Variants in ATP6V1H observed in about 807,000 individuals in gnomAD.
The protein encoded by ATP6V1H is V-type proton ATPase subunit H.
ATP6V1H carries 39 observed loss-of-function variants against 71.7 expected under a neutral mutation model. The observed-to-expected ratio is 0.54, with a 90% CI of 0.42 to 0.71. The LOEUF is 0.71. Among genes scored for constraint, ATP6V1H ranks in the 30% least tolerant of loss-of-function variants. ATP6V1H has a pLI of 0.00. For synonymous variants in ATP6V1H, 192 were observed against 199.3 expected, an observed-to-expected ratio of 0.96 and a Z score of 0.31; for missense variants, 509 against 594.9, an observed-to-expected ratio of 0.86 and a Z score of 1.50.
At chr8:53,766,934 T>G (rs1478853817) in intron 11 of ATP6V1H, among the ~76,000 whole-genome samples, 2 of 152,238 alleles carry the variant, frequency 1.3e-5, no homozygotes, top group African/African-American at 4.8e-5. Context: ...TGTGATATTC[T>G]ATTACCCTGT....
At chr8:53,781,025 G>C (rs1253209189) in intron 9 of ATP6V1H, among the ~76,000 whole-genome samples, 1 of 152,286 alleles carries the variant, frequency 6.6e-6, no homozygotes, top group East Asian at 1.9e-4. Context: ...CTTTATAGCA[G>C]CATGATTTAT....
chr8:53,775,701 T>C (rs1006817188), intron 9 of ATP6V1H, among the ~76,000 whole-genome samples: 1 of 152,140 alleles, frequency 6.6e-6, no homozygotes, highest in Non-Finnish European at 1.5e-5. Context: ...CCAGAGCAGC[T>C]AGATACAGAG....
At chr8:53,767,894 G>GC (rs2130305029) in intron 11 of ATP6V1H, among the ~76,000 whole-genome samples, 1 of 152,226 alleles carries the variant, frequency 6.6e-6, no homozygotes, top group South Asian at 2.1e-4. Context: ...ATCAGTTTTG[G>GC]CAACAGACCA....
intron 9 of ATP6V1H, among the ~76,000 whole-genome samples, chr8:53,775,641 T>C (rs1203233450): frequency 6.6e-6 from 1 of 152,156 alleles, no homozygotes; most frequent in Non-Finnish European, 1.5e-5. Flanking sequence ...GGGTGCTGAT[T>C]GGTGTGTTTA....
intron 9 of ATP6V1H, among the ~76,000 whole-genome samples, chr8:53,772,918 A>C (rs983530586): frequency 5.9e-4 from 90 of 151,548 alleles, no homozygotes; most frequent in South Asian, 2.1e-3. Context: ...AAAAAAAAAA[A>C]AAAACAAAAC....
chr8:53,806,100 G>A (rs754832700), intron 7 of ATP6V1H, among the ~76,000 whole-genome samples: 3 of 152,092 alleles, frequency 2.0e-5, no homozygotes, highest in Non-Finnish European at 4.4e-5. Context: ...ATAGAGAAAA[G>A]AAAGTAAAAG....
At chr8:53,747,697 G>T (rs1488659762) in intron 12 of ATP6V1H, among the ~76,000 whole-genome samples, 3 of 151,712 alleles carry the variant, frequency 2.0e-5, no homozygotes, top group African/African-American at 7.3e-5. Context: ...ATGCCACCAT[G>T]CCCGGCTAAT....
chr8:53,842,324 A>C (rs2130554238), intron 1 of ATP6V1H, among the ~76,000 whole-genome samples: 1 of 152,370 alleles, frequency 6.6e-6, no homozygotes, highest in African/African-American at 2.4e-5. Flanking sequence ...ATTACAATTT[A>C]GGTAAGCCAA....
chr8:53,752,455 C>G (rs954495466), intron 12 of ATP6V1H, among the ~76,000 whole-genome samples: 1 of 152,246 alleles, frequency 6.6e-6, no homozygotes, highest in African/African-American at 2.4e-5. Context: ...AAGCTTCTAA[C>G]TCTTGTAGCC....
chr8:53,722,146 C>T lies in ATP6V1H; in HGVS notation c.1392-6122G>A, dbSNP rs146552599. 7.2e-5 allele frequency among the ~76,000 whole-genome samples: 11 copies of T among 152,246 alleles called. No homozygotes were observed. The South Asian group carries it at 1.7e-3, about 23-fold the overall frequency. On this transcript the variant is annotated intron_variant, in intron 13 of 13. Transcript: ENST00000359530. ...TCTAAATGCCACTAAACAAAGTGTG[C>T]GTTTCTTTATCTCTGGCTATGCTCA...
chr8:53,795,321 T>A (rs1324910862), intron 9 of ATP6V1H, among the ~76,000 whole-genome samples: 1 of 152,054 alleles, frequency 6.6e-6, no homozygotes, highest in Non-Finnish European at 1.5e-5. Flanking sequence ...ACATACATGC[T>A]CCATAAGAGA....
chr8:53,829,454 T>C lies in ATP6V1H; in HGVS notation c.296A>G (p.Asp99Gly), dbSNP rs1380857684. The change falls in exon 4 of 14, where the codon GAT becomes GGT. Residue 99 changes from aspartate (D) to glycine (G), a missense_variant. Physicochemically the swap from Asp to Gly is moderately conservative, Grantham distance 94. Coordinates refer to ENST00000359530, the MANE Select transcript of ATP6V1H (RefSeq NM_015941.4). ...AAAGAATATACCTACCTGCAGCATA[T>C]CATCCACCATAGTTAGTATATACTG... Reference protein sequence around the residue: ...TVQYILTMVDDMLQENHQRVS... With the variant: ...TVQYILTMVDGMLQENHQRVS... The C allele has an allele frequency of 6.2e-7, 1 of 1,601,594 alleles. No homozygotes were observed. The highest frequency in any genetic ancestry group is 1.3e-5 in the African/African-American group (1 of 74,508).
chr8:53,772,903 C>CAAA (rs201949406), intron 9 of ATP6V1H, among the ~76,000 whole-genome samples: 20 of 59,400 alleles, frequency 3.4e-4, no homozygotes, highest in African/African-American at 1.1e-3. Flanking sequence ...CTATCAAATG[C>CAAA]AAAAAAAAAA....
chr8:53,765,818 AG>A (rs1808440977), intron 11 of ATP6V1H, among the ~76,000 whole-genome samples: 1 of 152,232 alleles, frequency 6.6e-6, no homozygotes, highest in African/African-American at 2.4e-5. Flanking sequence ...GAAAAGCAAA[AG>A]ACTCAGAATG....
intron 11 of ATP6V1H, 23 bp downstream of exon 11, chr8:53,769,595 G>A: frequency 6.2e-7 from 1 of 1,605,606 alleles, no homozygotes; most frequent in East Asian, 2.2e-5. Flanking sequence ...TATTAAGAGT[G>A]TAAAGTAGAA....
chr8:53,838,830 G>A (rs1301486007), intron 2 of ATP6V1H, among the ~76,000 whole-genome samples: 1 of 152,112 alleles, frequency 6.6e-6, no homozygotes, highest in Non-Finnish European at 1.5e-5. Context: ...CGACACTGGG[G>A]GACGCTTCCA....
rs1333694813 is a variant in ATP6V1H, at chr8:53,839,708, C to A, written c.113+1870G>T. On this transcript the variant is annotated intron_variant, in intron 2 of 13. Coordinates refer to ENST00000359530, the MANE Select transcript of ATP6V1H (RefSeq NM_015941.4). ...GGCTACAAGATTCATTGGTTTCCAA[C>A]ACCTACAGCTCCTTGGAAAATGGTG... 3 of 985,308 alleles carry A rather than the reference C, an allele frequency of 3.0e-6. No homozygotes were observed. In the South Asian group the frequency reaches 1.4e-4, roughly 46 times the overall value. 61.0% of individuals were successfully genotyped at this position (985,308 alleles called of 1,614,324 possible).
intron 13 of ATP6V1H, among the ~76,000 whole-genome samples, chr8:53,723,298 A>G (rs1007500920): frequency 2.0e-5 from 3 of 152,082 alleles, no homozygotes; most frequent in African/African-American, 7.2e-5. Flanking sequence ...TACAAGTCTC[A>G]CAGATCCTCT....
chr8:53,751,762 T>C (rs2130229719), intron 12 of ATP6V1H, among the ~76,000 whole-genome samples: 1 of 151,996 alleles, frequency 6.6e-6, no homozygotes, highest in African/African-American at 2.4e-5. Flanking sequence ...CTCCGCCTCC[T>C]GGGTTCAAGC....
Sources: gnomAD v4.1 joint callset for allele counts (sites outside exome capture counted in the v4.1 genomes callset) on GRCh38, gnomAD v4.1.1 for gene constraint, MANE v1.5 for transcripts, NCBI Gene and HGNC (gene_info 2026-07-23, HGNC 2026-07-21) for gene names.